The following TTN variants were observed in gnomAD, a reference collection of about 807,000 sequenced individuals.
TTN encodes the protein titin.
Under a neutral mutation model 3,223.0 loss-of-function variants are expected in TTN, and 1,525 were observed. The ratio of observed to expected loss-of-function variants is 0.47; its 90% CI spans 0.45 to 0.49. The LOEUF (loss-of-function observed/expected upper bound fraction) is 0.49. Among genes scored for constraint, TTN ranks in the 20% least tolerant of loss-of-function variants. TTN has a pLI of 0.00. For missense variants in TTN, 40,786 were observed against 43,424.0 expected, an observed-to-expected ratio of 0.94 and a Z score of 5.40; for synonymous variants, 14,094 against 15,161.0, an observed-to-expected ratio of 0.93 and a Z score of 5.17.
In TTN at chr2:178,671,173, T is replaced by C. The variant is rs1387720503; in HGVS notation, c.35228-3A>G. Reference sequence around the variant, plus strand: ...GATTTTCTCAGATATCTCAGGCCCTTCAAAGATATTAGTATTTTGGTTTAG... The same window carrying C: ...GATTTTCTCAGATATCTCAGGCCCTCCAAAGATATTAGTATTTTGGTTTAG... On this transcript the variant is annotated splice_polypyrimidine_tract_variant and splice_region_variant and intron_variant, in intron 155 of 362. Transcript: ENST00000589042. 4 of 1,591,946 alleles carry C rather than the reference T, an allele frequency of 2.5e-6. No homozygotes were observed. Among genetic ancestry groups the C allele is most frequent in the Non-Finnish European group, 3.4e-6 (4 of 1,171,508 alleles).
At position 178,630,672 on chromosome 2, in the gene TTN, C is replaced by T. The variant is rs551571711; in HGVS notation, c.44154+132G>A. ...AGCCCATTCATAGACCCTGACATCT[C>T]TCTTTGGCTTAGGGTCTGATAGAGA... On this transcript the variant is annotated intron_variant, in intron 238 of 362. Coordinates refer to ENST00000589042, the MANE Select transcript of TTN (RefSeq NM_001267550.2). 4.3e-4 allele frequency: 575 copies of T among 1,346,416 alleles called. 3 individuals are homozygous for T. In the African/African-American group the frequency reaches 7.7e-3, roughly 18 times the overall value. The allele number at this position is 1,346,416 out of a possible 1,614,324, so 83.4% of individuals were successfully genotyped here.
rs368786036 is a variant in TTN, at chr2:178,767,787, C to A, written c.9443G>T (p.Arg3148Leu). ...AACCTCCTTTTTAATACTTCGGATG[C>A]GAACATCTCTGCCTTCTACAAAGAG... is the stretch of plus-strand genomic sequence containing the variant. Reference protein sequence around the residue: ...AKLFVEGRDVRIRSIKKEVQV... With the variant: ...AKLFVEGRDVLIRSIKKEVQV... Residue 3148 changes from arginine to leucine, a missense_variant, in exon 40 of 363, where the codon CGC becomes CTC. Physicochemically the swap from Arg to Leu is moderately radical, Grantham distance 102. Coordinates refer to ENST00000589042, the MANE Select transcript of TTN (RefSeq NM_001267550.2). 7.4e-6 allele frequency: 12 copies of A among 1,614,104 alleles called. No homozygotes were observed. Among genetic ancestry groups the A allele is most frequent in the South Asian group, 3.3e-5 (3 of 91,080 alleles).
rs1488554546 is a variant in TTN at position 178,588,973 on chromosome 2, C to T, written c.62752G>A (p.Val20918Ile). ...GTTACTGTAGTACCAGGTGTCAAGA[C>T]AGTAGCAGAATAGGTAGACCAAACC... is the stretch of plus-strand genomic sequence containing the variant. ...RMVWSTYSAT[V>I]LTPGTTVTRL... The change falls in exon 304 of 363, where the codon GTC becomes ATC. Residue 20918 changes from valine to isoleucine, a missense_variant. By Grantham distance (29) the Val-to-Ile change is conservative. Transcript: ENST00000589042. 6.2e-7 allele frequency: 1 copy of T among 1,612,370 alleles called. No homozygotes were observed. Among genetic ancestry groups the T allele is most frequent in the Non-Finnish European group, 8.5e-7 (1 of 1,179,352 alleles).
At position 178,636,259 on chromosome 2, in the gene TTN, A is replaced by G; in HGVS notation, c.41330-18T>C. ...AGGAAGTTCTATGGAGAATTTCAGT[A>G]TATATTTCAATAAATACAATATTTT... On this transcript the variant is annotated intron_variant, in intron 225 of 362. Transcript: ENST00000589042. The surrounding 1 kb of genome is among the most constrained non-coding windows in gnomAD (Gnocchi z 4.3). The G allele has an allele frequency of 1.3e-6, 2 of 1,494,598 alleles. No homozygotes were observed. Among genetic ancestry groups the G allele is most frequent in the Non-Finnish European group, 1.8e-6 (2 of 1,123,056 alleles). 92.6% of individuals were successfully genotyped at this position (1,494,598 alleles called of 1,614,324 possible).
In TTN at chr2:178,567,862, G is replaced by A. The variant is rs1048653371; in HGVS notation, c.78270C>T (p.Asp26090=). The A allele has an allele frequency of 8.7e-6, 14 of 1,613,358 alleles. No individual in the cohort carries two copies. The highest frequency in any genetic ancestry group is 1.1e-5 in the South Asian group (1 of 91,080). Residue 26090 remains aspartate (D), a synonymous_variant, in exon 326 of 363, where the codon GAC becomes GAT. Transcript: ENST00000589042. The part of the protein sequence containing the change: ...SECYVARDPC[D]PPGTPEPIMV... ...TTATTGGTTCTGGGGTTCCTGGTGG[G>A]TCACAGGGATCTCTGGCTACATAGC...
chr2:178,615,842 CCCAAAAGATTTTTA>C (rs2154207162), intron 257 of TTN, 54 bp from the exon 258 acceptor site: 1 of 1,547,060 alleles, frequency 6.5e-7, no homozygotes, highest in African/African-American at 1.4e-5. Flanking sequence ...CTTTCGCCAA[CCCAAAAGATTTTTA>C]CCATGACCAG....
At position 178,553,980 on chromosome 2, in the gene TTN, C is replaced by T; in HGVS notation, c.89131G>A (p.Val29711Ile). Residue 29711 changes from valine (V) to isoleucine (I), a missense_variant, in exon 333 of 363, where the codon GTA becomes ATA. Physicochemically the swap from Val to Ile is conservative, Grantham distance 29. Transcript: ENST00000589042. ...AATGGACCCTGTCCAGCAGCGTTTA[C>T]AGCACAAACTCTGTATTGATAGTCA... Reference protein sequence around the residue: ...NSDYQYRVCAVNAAGQGPFSE... With the variant: ...NSDYQYRVCAINAAGQGPFSE... 1 of 1,612,476 alleles carries T rather than the reference C, an allele frequency of 6.2e-7. No homozygotes were observed. Among genetic ancestry groups the T allele is most frequent in the South Asian group, 1.1e-5 (1 of 90,972 alleles).
intron 60 of TTN, 25 bp from the exon 61 acceptor site, chr2:178,730,817 A>G (rs1324491577): frequency 1.3e-6 from 2 of 1,545,946 alleles, no homozygotes; most frequent in Non-Finnish European, 1.7e-6. Flanking sequence ...AGCAAACAAC[A>G]ACAAAAAAAG....
chr2:178,535,016 G>C lies in TTN; in HGVS notation c.101599C>G (p.Leu33867Val), dbSNP rs76194811. Residue 33867 changes from leucine (L) to valine (V), a missense_variant, in exon 358 of 363, where the codon CTG becomes GTG. Physicochemically the swap from Leu to Val is conservative, Grantham distance 32 (BLOSUM62 1). Coordinates refer to ENST00000589042, the MANE Select transcript of TTN (RefSeq NM_001267550.2). Reference protein sequence around the residue: ...QVLVKKEISILNIARHRNILH... With the variant: ...QVLVKKEISIVNIARHRNILH... ...ATGTTTCTATGCCTAGCAATATTCA[G>C]AATGGAAATTTCCTTCTTTACCAAA... The C allele has an allele frequency of 4.8e-5, 77 of 1,613,796 alleles. No individual in the cohort carries two copies. The East Asian group carries it at 1.4e-3, about 30-fold the overall frequency.
intron 127 of TTN, among the ~76,000 whole-genome samples, chr2:178,686,634 T>G (rs1269468591): frequency 6.6e-6 from 1 of 151,902 alleles, no homozygotes; most frequent in Non-Finnish European, 1.5e-5. Flanking sequence ...AGGCTGGTCT[T>G]GAACTCCTGT....
chr2:178,559,900 T>C lies in TTN; in HGVS notation c.86232A>G (p.Ile28744Met). 6.2e-7 allele frequency: 1 copy of C among 1,613,556 alleles called. No individual in the cohort carries two copies. The highest frequency in any genetic ancestry group is 8.5e-7 in the Non-Finnish European group (1 of 1,179,746). The stretch of plus-strand genomic sequence containing the variant: ...AAGGTTCTTCTTCTCTTTCCTTTGC[T>C]ATCTGAGGGTCAGAGCTATCACTGG... ...SDPSDSSDPQ[I>M]AKEREEEPLF... is the part of the protein sequence containing the mutation. The change falls in exon 326 of 363, where the codon ATA becomes ATG. Residue 28744 changes from isoleucine to methionine, a missense_variant. Coordinates refer to ENST00000589042, the MANE Select transcript of TTN (RefSeq NM_001267550.2).
chr2:178,617,838 C>A lies in TTN; in HGVS notation c.47513G>T (p.Arg15838Leu), dbSNP rs199640194. Residue 15838 changes from arginine (R) to leucine (L), a missense_variant, in exon 253 of 363, where the codon CGA becomes CTA. Physicochemically the swap from Arg to Leu is moderately radical, Grantham distance 102 (BLOSUM62 -2). Coordinates refer to ENST00000589042, the MANE Select transcript of TTN (RefSeq NM_001267550.2). ...EYSFRVRAQN[R>L]IGVGKPSAAT... ...TGCACTTGGTTTTCCAACTCCAATT[C>A]GATTTTGGGCTCTCACTCGGAAACT... The A allele has an allele frequency of 1.2e-6, 2 of 1,612,542 alleles. No homozygotes were observed. Among genetic ancestry groups the A allele is most frequent in the Non-Finnish European group, 1.7e-6 (2 of 1,179,054 alleles).
intron 150 of TTN, 79 bp from the exon 151 acceptor site, chr2:178,674,488 T>C: frequency 1.1e-6 from 1 of 882,328 alleles, no homozygotes; most frequent in Non-Finnish European, 1.7e-6. Context: ...ATCTGAAAAC[T>C]GCTCAGCCTT....
chr2:178,572,427 C>G lies in TTN; in HGVS notation c.73705G>C (p.Val24569Leu), dbSNP rs755676676. ...RESTRKAYSTVATNCHKTSWK... is the reference protein window; with the variant it reads ...RESTRKAYSTLATNCHKTSWK... Reference sequence around the variant, plus strand: ...GAAGTCTTGTGGCAGTTTGTTGCAACAGTTGAATATGCTTTTCTTGTTGAT... The same window carrying G: ...GAAGTCTTGTGGCAGTTTGTTGCAAGAGTTGAATATGCTTTTCTTGTTGAT... The change falls in exon 326 of 363, where the codon GTT (valine) becomes CTT (leucine). Residue 24569 changes from valine to leucine, a missense_variant. Val to Leu is a conservative substitution (Grantham distance 32). Coordinates refer to ENST00000589042, the MANE Select transcript of TTN (RefSeq NM_001267550.2). The G allele has an allele frequency of 1.2e-5, 20 of 1,612,802 alleles. No homozygotes were observed. Among genetic ancestry groups the G allele is most frequent in the Non-Finnish European group, 1.7e-5 (20 of 1,179,174 alleles).
chr2:178,691,824 A>T (rs897851690), intron 121 of TTN, among the ~76,000 whole-genome samples, 192 bp downstream of exon 121: 1 of 152,206 alleles, frequency 6.6e-6, no homozygotes, highest in African/African-American at 2.4e-5. Context: ...CTTTTTGGTG[A>T]TGTCTTAGGA....
chr2:178,671,198 G>A (rs1339669586), intron 155 of TTN, 28 bp from the exon 156 acceptor site: 4 of 1,544,128 alleles, frequency 2.6e-6, no homozygotes, highest in Non-Finnish European at 3.5e-6. Context: ...TTTTGGTTTA[G>A]AATGAACTCT....
Position 178,723,447 on chromosome 2 carries a change from G to A in TTN, c.21653C>T (p.Ala7218Val), listed in dbSNP as rs763125654. 1.1e-5 allele frequency: 18 copies of A among 1,613,112 alleles called. No individual in the cohort carries two copies. The Admixed American group carries it at 3.0e-4, about 27-fold the overall frequency. The part of the protein sequence containing the change: ...TCVVSNNAGQ[A>V]SCTTRLFVKE... ...CACAAAGAGACGGGTAGTGCAAGAT[G>A]CTTGGCCAGCGTTGTTAGAAACCAC... The change falls in exon 74 of 363, where the codon GCA becomes GTA. Residue 7218 changes from alanine (A) to valine (V), a missense_variant. Ala to Val is a moderately conservative substitution (Grantham distance 64). Transcript: ENST00000589042.
chr2:178,547,382 G>T, intron 339 of TTN, 25 bp downstream of exon 339: 1 of 1,583,808 alleles, frequency 6.3e-7, no homozygotes, highest in Non-Finnish European at 8.6e-7. Context: ...TAGAGACTTT[G>T]AAATAGGATT....
At chr2:178,711,018 AT>A in intron 97 of TTN, 43 bp downstream of exon 97, 1 of 1,548,396 alleles carries the variant, frequency 6.5e-7, no homozygotes, top group Non-Finnish European at 8.7e-7. Context: ...ATATTTGATT[AT>A]AATACTTTAA....
Sources: allele counts gnomAD v4.1 joint callset (sites outside exome capture counted in the v4.1 genomes callset), GRCh38; gene constraint gnomAD v4.1.1; non-coding constraint Gnocchi (gnomAD v3.1); transcripts MANE v1.5; gene names NCBI Gene and HGNC (gene_info 2026-07-23, HGNC 2026-07-21).